Variants in KANK2 observed in about 807,000 individuals in gnomAD.
KANK2 encodes the protein KN motif and ankyrin repeat domains 2, also known as KN motif and ankyrin repeat domain-containing protein 2.
Under a neutral mutation model 74.6 loss-of-function variants are expected in KANK2, and 41 were observed. The ratio of observed to expected loss-of-function variants is 0.55; its 90% confidence interval spans 0.43 to 0.71. The LOEUF (loss-of-function observed/expected upper bound fraction) is 0.71. Among genes scored for constraint, KANK2 ranks in the 30% least tolerant of loss-of-function variants. The probability of loss-of-function intolerance (pLI) is 0.00; values close to 1 mark genes in which losing one functional copy is unlikely to be tolerated. For missense variants in KANK2, 1,148 were observed against 1,196.4 expected, an observed-to-expected ratio of 0.96 and a Z score of 0.60; for synonymous variants, 537 against 519.0, an observed-to-expected ratio of 1.03 and a Z score of -0.47.
At chr19:11,176,374 C>T (rs927892490) in intron 7 of KANK2, among the ~76,000 whole-genome samples, 2 of 152,220 alleles carry the variant, frequency 1.3e-5, no homozygotes, top group African/African-American at 4.8e-5. Flanking sequence ...CTAACCCCGG[C>T]AGCCCAAAAT....
In KANK2 at chr19:11,178,184, C is replaced by A. The variant is rs7258715; in HGVS notation, c.1520+161G>T. Among the ~76,000 whole-genome samples the A allele has an allele frequency of 0.013, 2,048 of 152,254 alleles. 46 individuals carry two copies. Among genetic ancestry groups the A allele is most frequent in the African/African-American group, 0.046 (1,891 of 41,540 alleles). On this transcript the variant is annotated intron_variant, in intron 6 of 12. Coordinates refer to ENST00000586659, the MANE Select transcript of KANK2 (RefSeq NM_001136191.3). Reference sequence around the variant, plus strand: ...GAGTGAGCTCCAGAAATGCGCTTAGCCTTCCTATGCCTCAGTTTCCTCATC... The same window carrying A: ...GAGTGAGCTCCAGAAATGCGCTTAGACTTCCTATGCCTCAGTTTCCTCATC...
chr19:11,193,987 G>C lies in KANK2; in HGVS notation c.93C>G (p.Pro31=). The C allele has an allele frequency of 6.2e-7, 1 of 1,613,608 alleles. No homozygotes were observed. The highest frequency in any genetic ancestry group is 8.5e-7 in the Non-Finnish European group (1 of 1,179,722). Residue 31 remains proline (P), a synonymous_variant, in exon 4 of 13, where the codon CCC becomes CCG. Coordinates refer to ENST00000586659, the MANE Select transcript of KANK2 (RefSeq NM_001136191.3). The surrounding 1 kb of genome is among the most constrained non-coding windows in gnomAD (Gnocchi z 9.6). ...PAFPAKDPDP[P]YSVETPYGYR... The stretch of plus-strand genomic sequence containing the variant: ...AGCCATAGGGGGTCTCCACGGAGTA[G>C]GGTGGATCGGGGTCCTTGGCAGGGA...
Position 11,176,646 on chromosome 19 carries a change from C to G in KANK2, c.1692G>C (p.Leu564=), listed in dbSNP as rs191625212. 63 of 1,613,616 alleles carry G rather than the reference C, an allele frequency of 3.9e-5. No individual in the cohort carries two copies. Among genetic ancestry groups the G allele is most frequent in the Non-Finnish European group, 4.9e-5 (58 of 1,179,848 alleles). Residue 564 remains leucine, a synonymous_variant, in exon 7 of 13, where the codon CTG becomes CTC. Coordinates refer to ENST00000586659, the MANE Select transcript of KANK2 (RefSeq NM_001136191.3). ...TGGGTATGTGCTGAGATTCTCGAGA[C>G]AGCTGACACTCCTGCCGGCTGGTCT... ...AAKTSRQECQ[L]SRESQHIPTA... is the part of the protein sequence containing the mutation.
chr19:11,180,317 A>G (rs946450977), intron 4 of KANK2, among the ~76,000 whole-genome samples: 7 of 150,134 alleles, frequency 4.7e-5, no homozygotes, highest in Non-Finnish European at 8.9e-5. Flanking sequence ...CTGCTCTAGA[A>G]CTCCAGAGCG....
intron 4 of KANK2, among the ~76,000 whole-genome samples, chr19:11,186,429 G>C (rs11878425): frequency 0.029 from 4,259 of 148,474 alleles, 199 homozygotes; most frequent in African/African-American, 0.1. Flanking sequence ...AGGCGCGGTG[G>C]CTCACGCCTG....
At position 11,192,841 on chromosome 19, in the gene KANK2, A is replaced by G. The variant is rs2078891533; in HGVS notation, c.1239T>C (p.Asp413=). 1.3e-6 allele frequency: 2 copies of G among 1,548,900 alleles called. No homozygotes were observed. Among genetic ancestry groups the G allele is most frequent in the Non-Finnish European group, 1.7e-6 (2 of 1,143,592 alleles). The part of the protein sequence containing the change: ...KKISITERSC[D]GAAGLPEVPA... ...CCTGCGACCGCTTACCTGCTGCTCCATCGCAGCTTCGCTCTGTGATGCTAA... is the reference window on the plus strand; with the variant it reads ...CCTGCGACCGCTTACCTGCTGCTCCGTCGCAGCTTCGCTCTGTGATGCTAA... The change falls in exon 4 of 13, where the codon GAT becomes GAC. Residue 413 remains aspartate, a synonymous_variant. Transcript: ENST00000586659.
In KANK2 at chr19:11,192,974, A is replaced by G. The variant is rs2078896888; in HGVS notation, c.1106T>C (p.Met369Thr). Residue 369 changes from methionine (M) to threonine (T), a missense_variant, in exon 4 of 13, where the codon ATG (methionine) becomes ACG (threonine). Physicochemically the swap from Met to Thr is moderately conservative, Grantham distance 81. Coordinates refer to ENST00000586659, the MANE Select transcript of KANK2 (RefSeq NM_001136191.3). ...PYGTGLRALA[M>T]PGRPESPPVF... Reference sequence around the variant, plus strand: ...AGGTGGGCTCTCAGGCCTACCAGGCATTGCCAGGGCCCTCAGCCCTGTGCC... The same window carrying G: ...AGGTGGGCTCTCAGGCCTACCAGGCGTTGCCAGGGCCCTCAGCCCTGTGCC... 1.2e-6 allele frequency: 2 copies of G among 1,613,958 alleles called. No individual in the cohort carries two copies. Among genetic ancestry groups the G allele is most frequent in the Non-Finnish European group, 1.7e-6 (2 of 1,179,996 alleles).
chr19:11,174,765 G>A (rs900427097), intron 8 of KANK2, 73 bp from the exon 9 acceptor site: 22 of 1,223,144 alleles, frequency 1.8e-5, no homozygotes, highest in African/African-American at 1.4e-4. Flanking sequence ...CCCCAGATGC[G>A]CCCCCGGAGC....
Position 11,178,346 on chromosome 19 carries a change from C to G in KANK2, c.1519G>C (p.Gly507Arg). Residue 507 changes from glycine to arginine, a missense_variant and splice_region_variant, in exon 6 of 13, where the codon GGG (glycine) becomes CGG (arginine). Coordinates refer to ENST00000586659, the MANE Select transcript of KANK2 (RefSeq NM_001136191.3). The part of the protein sequence containing the change: ...RSLQFVGVNG[G>R]YESSSEDSST... ...GGGGGTGGGGTCTTCTCCTCTCACCCGCCGTTGACCCCCACGAACTGGAGG... is the reference window on the plus strand; with the variant it reads ...GGGGGTGGGGTCTTCTCCTCTCACCGGCCGTTGACCCCCACGAACTGGAGG... The G allele has an allele frequency of 6.6e-7, 1 of 1,512,752 alleles. No homozygotes were observed. Among genetic ancestry groups the G allele is most frequent in the Non-Finnish European group, 8.8e-7 (1 of 1,135,962 alleles). The allele number at this position is 1,512,752 out of a possible 1,614,324, so 93.7% of individuals were successfully genotyped here.
chr19:11,183,478 AAAGATT>A, intron 4 of KANK2, among the ~76,000 whole-genome samples: 1 of 151,070 alleles, frequency 6.6e-6, no homozygotes, highest in East Asian at 1.9e-4. Context: ...CAGGAAAGGG[AAAGATT>A]CATTCATTCA....
chr19:11,172,184 T>C (rs370351697), intron 10 of KANK2, among the ~76,000 whole-genome samples: 5 of 138,340 alleles, frequency 3.6e-5, no homozygotes, highest in African/African-American at 1.7e-4. Flanking sequence ...ACCATGTTGG[T>C]CAGGCTGGTC....
At chr19:11,195,977 C>T (rs1387761002) in intron 1 of KANK2, 157 bp from the exon 2 acceptor site, 1 of 119,162 alleles carries the variant, frequency 8.4e-6, no homozygotes, top group African/African-American at 3.2e-5. Flanking sequence ...TTGGAATAGC[C>T]GAGCGGGGTG....
At chr19:11,178,870 A>G (rs2078430706) in intron 4 of KANK2, 150 bp from the exon 5 acceptor site, 3 of 691,930 alleles carry the variant, frequency 4.3e-6, no homozygotes, top group Non-Finnish European at 6.6e-6. Context: ...GGGAAATCGG[A>G]TTATTACAGA....
chr19:11,174,528 C>T lies in KANK2; in HGVS notation c.2013G>A (p.Leu671=). The change falls in exon 9 of 13, where the codon CTG becomes CTA. Residue 671 remains leucine (L), a synonymous_variant. Coordinates refer to ENST00000586659, the MANE Select transcript of KANK2 (RefSeq NM_001136191.3). ...NIADSNGNTA[L]HYSVSHANFP... ...AGTTGGCATGAGACACGGAGTAGTG[C>T]AGGGCTGTGTTGCCGTTGCTGTCGG... 1 of 1,613,676 alleles carries T rather than the reference C, an allele frequency of 6.2e-7. No individual in the cohort carries two copies.
chr19:11,183,440 G>C (rs957315022), intron 4 of KANK2, among the ~76,000 whole-genome samples: 7 of 152,190 alleles, frequency 4.6e-5, no homozygotes, highest in Non-Finnish European at 1.0e-4. Flanking sequence ...AAGCTAAAGG[G>C]AGATAATGTA....
chr19:11,178,340 C>T lies in KANK2; in HGVS notation c.1520+5G>A. 6.6e-7 allele frequency: 1 copy of T among 1,505,022 alleles called. No individual in the cohort carries two copies. Among genetic ancestry groups the T allele is most frequent in the Non-Finnish European group, 8.8e-7 (1 of 1,132,470 alleles). The allele number at this position is 1,505,022 out of a possible 1,614,324, so 93.2% of individuals were successfully genotyped here. A position where few individuals can be genotyped will look rare whatever the true frequency, so the allele number is the denominator to read the frequency against. ...GGGGTGGGGGGTGGGGTCTTCTCCT[C>T]TCACCCGCCGTTGACCCCCACGAAC... On this transcript the variant is annotated splice_donor_5th_base_variant and intron_variant, in intron 6 of 12. Coordinates refer to ENST00000586659, the MANE Select transcript of KANK2 (RefSeq NM_001136191.3).
Position 11,176,825 on chromosome 19 carries a change from G to T in KANK2, c.1521-8C>A, listed in dbSNP as rs1355654497. ...TCGGATGACGACTCATACCTGGGGA[G>T]GAACGAGCGGGGAGGGGGAGATGCT... On this transcript the variant is annotated splice_region_variant and splice_polypyrimidine_tract_variant and intron_variant, in intron 6 of 12. Coordinates refer to ENST00000586659, the MANE Select transcript of KANK2 (RefSeq NM_001136191.3). The T allele has an allele frequency of 1.3e-6, 2 of 1,500,984 alleles. No individual in the cohort carries two copies. The highest frequency in any genetic ancestry group is 1.8e-6 in the Non-Finnish European group (2 of 1,123,326). The allele number at this position is 1,500,984 out of a possible 1,614,324, so 93.0% of individuals were successfully genotyped here. A position where few individuals can be genotyped will look rare whatever the true frequency, so the allele number is the denominator to read the frequency against.
Position 11,193,714 on chromosome 19 carries a change from C to A in KANK2, c.366G>T (p.Pro122=). The change falls in exon 4 of 13, where the codon CCG becomes CCT. Residue 122 remains proline (P), a synonymous_variant. Coordinates refer to ENST00000586659, the MANE Select transcript of KANK2 (RefSeq NM_001136191.3). This position sits in a 1 kb window ranked among gnomAD's most constrained non-coding sequence, Gnocchi z 9.6. ...CATCCAGCAGCGTGCGCTCCACCCGCGGATTGAAGCCACCGCGGGTCTCCA... is the reference window on the plus strand; with the variant it reads ...CATCCAGCAGCGTGCGCTCCACCCGAGGATTGAAGCCACCGCGGGTCTCCA... ...GALETRGGFN[P]RVERTLLDAR... is the part of the protein sequence containing the mutation. 3 of 1,612,132 alleles carry A rather than the reference C, an allele frequency of 1.9e-6. No homozygotes were observed. The highest frequency in any genetic ancestry group is 1.1e-5 in the South Asian group (1 of 91,072).
rs542524034 is a variant in KANK2 at position 11,193,259 on chromosome 19, C to T, written c.821G>A (p.Arg274Gln). Reference sequence around the variant, plus strand: ...CTCCCCATCAGGCATGCCCAAGTCCCGTTCTCGAACCCAGGTGCCCACACT... The same window carrying T: ...CTCCCCATCAGGCATGCCCAAGTCCTGTTCTCGAACCCAGGTGCCCACACT... ...TRSVGTWVRE[R>Q]DLGMPDGEAA... The change falls in exon 4 of 13, where the codon CGG becomes CAG. Residue 274 changes from arginine to glutamine, a missense_variant. Coordinates refer to ENST00000586659, the MANE Select transcript of KANK2 (RefSeq NM_001136191.3). The surrounding 1 kb of genome is among the most constrained non-coding windows in gnomAD (Gnocchi z 9.6). 4.3e-5 allele frequency: 69 copies of T among 1,610,726 alleles called. No homozygotes were observed. Among genetic ancestry groups the T allele is most frequent in the South Asian group, 2.7e-4 (25 of 91,072 alleles).
Sources: allele counts gnomAD v4.1 joint callset (sites outside exome capture counted in the v4.1 genomes callset), GRCh38; gene constraint gnomAD v4.1.1; non-coding constraint Gnocchi (gnomAD v3.1); transcripts MANE v1.5; gene names NCBI Gene and HGNC (gene_info 2026-07-23, HGNC 2026-07-21).